Variants in ELP4 observed in about 807,000 individuals in gnomAD.
ELP4 encodes the protein elongator acetyltransferase complex subunit 4.
ELP4 carries 51 observed loss-of-function variants against 48.9 expected under a neutral mutation model. The ratio of observed to expected loss-of-function variants is 1.04; its 90% confidence interval spans 0.83 to 1.32. ELP4 has a LOEUF of 1.32. Among genes scored for constraint, ELP4 ranks in the 40% most tolerant of loss-of-function variants. ELP4 has a pLI of 0.00. For synonymous variants in ELP4, 210 were observed against 189.2 expected (o/e 1.11, Z -0.90); for missense variants, 519 against 514.6 (o/e 1.01, Z -0.08).
At chr11:31,539,927 TA>T in intron 3 of ELP4, 144 bp downstream of exon 3, 1 of 626,162 alleles carries the variant, frequency 1.6e-6, no homozygotes, top group Non-Finnish European at 2.3e-6. Flanking sequence ...AAAATCTCAG[TA>T]AAAAGTATCA....
chr11:31,546,399 T>G (rs1408738732), intron 3 of ELP4, among the ~76,000 whole-genome samples: 1 of 152,174 alleles, frequency 6.6e-6, no homozygotes, highest in Admixed American at 6.5e-5. Context: ...GGCCATTATA[T>G]AATGGTAAAG....
intron 6 of ELP4, 28 bp from the exon 7 acceptor site, chr11:31,632,189 T>C: frequency 6.4e-7 from 1 of 1,574,536 alleles, no homozygotes; most frequent in Non-Finnish European, 8.6e-7. Flanking sequence ...AAACTTTATA[T>C]GTTTGCTTTT....
rs752426798 is a variant in ELP4 at position 31,632,363 on chromosome 11, T to G, written c.885T>G (p.Ser295=). 1.1e-5 allele frequency: 17 copies of G among 1,612,610 alleles called. No homozygotes were observed. In the African/African-American group the frequency reaches 2.3e-4, roughly 22 times the overall value. The change falls in exon 7 of 10, where the codon TCT becomes TCG. Residue 295 remains serine, a synonymous_variant. Coordinates refer to ENST00000640961, the MANE Select transcript of ELP4 (RefSeq NM_019040.5). ...TTCTCCGTGGTCTTCTGAGAACCTCTCTTTCAGCCTGCATCATCACAATGC... is the reference window on the plus strand; with the variant it reads ...TTCTCCGTGGTCTTCTGAGAACCTCGCTTTCAGCCTGCATCATCACAATGC... ...LYVLRGLLRT[S]LSACIITMPT...
chr11:31,563,313 C>G (rs550036590), intron 3 of ELP4, among the ~76,000 whole-genome samples: 1 of 152,208 alleles, frequency 6.6e-6, no homozygotes, highest in East Asian at 1.9e-4. Context: ...GCTTCATTAA[C>G]TGCTGAGGGA....
At chr11:31,759,447 A>T (rs1425634592) in intron 9 of ELP4, among the ~76,000 whole-genome samples, 1 of 152,228 alleles carries the variant, frequency 6.6e-6, no homozygotes, top group African/African-American at 2.4e-5. Flanking sequence ...ATTCATGGAT[A>T]TGCAAACTAT....
At chr11:31,698,653 T>C (rs1423544992) in intron 9 of ELP4, among the ~76,000 whole-genome samples, 1 of 152,146 alleles carries the variant, frequency 6.6e-6, no homozygotes, top group Non-Finnish European at 1.5e-5. Flanking sequence ...CCTCAAGTGA[T>C]CCACCCCTCT....
intron 7 of ELP4, chr11:31,632,921 A>G (rs985617754): frequency 6.6e-6 from 1 of 152,214 alleles, no homozygotes; most frequent in Non-Finnish European, 1.5e-5. Flanking sequence ...AATGTAAAGT[A>G]TATGTTAATA....
intron 7 of ELP4, among the ~76,000 whole-genome samples, chr11:31,642,126 G>C (rs562320292): frequency 1.3e-5 from 2 of 151,838 alleles, no homozygotes; most frequent in Non-Finnish European, 1.5e-5. Flanking sequence ...CCATTATTCT[G>C]TCCAGCCTAT....
intron 4 of ELP4, chr11:31,600,199 T>TA (rs1412368038): frequency 7.3e-6 from 1 of 136,132 alleles, no homozygotes. Context: ...TGTATAGTTT[T>TA]AAAAAAGCCC....
In ELP4 at chr11:31,509,790, G is replaced by T; in HGVS notation, c.6G>T (p.Ala2=). Residue 2 remains alanine (A), a synonymous_variant, in exon 1 of 10, where the codon GCG becomes GCT. Transcript: ENST00000640961. M[A]AVATCGSVAA... ...TTAACACTGGAGGCTCTAAGATGGC[G>T]GCAGTGGCAACCTGCGGTAGTGTTG... is the stretch of plus-strand genomic sequence containing the variant. 6.2e-7 allele frequency: 1 copy of T among 1,613,976 alleles called. No individual in the cohort carries two copies. Among genetic ancestry groups the T allele is most frequent in the Non-Finnish European group, 8.5e-7 (1 of 1,180,006 alleles).
intron 9 of ELP4, among the ~76,000 whole-genome samples, chr11:31,751,937 A>G (rs1947730518): frequency 6.6e-6 from 1 of 152,202 alleles, no homozygotes; most frequent in Non-Finnish European, 1.5e-5. Context: ...TACAAAATCT[A>G]CATAACTTTA....
At chr11:31,632,700 T>C in intron 7 of ELP4, 2 of 238,802 alleles carry the variant, frequency 8.4e-6, no homozygotes, top group Non-Finnish European at 1.6e-5. Context: ...AAGTTTTCAA[T>C]ATTGATGAAG....
intron 9 of ELP4, among the ~76,000 whole-genome samples, chr11:31,676,256 C>T (rs1371836604): frequency 1.3e-5 from 2 of 152,132 alleles, no homozygotes; most frequent in African/African-American, 2.4e-5. Context: ...GCCTCAATGC[C>T]CTCAAATATT....
chr11:31,607,146 C>G (rs1479476141), intron 5 of ELP4, among the ~76,000 whole-genome samples: 1 of 152,182 alleles, frequency 6.6e-6, no homozygotes, highest in Admixed American at 6.5e-5. Flanking sequence ...GAGCCCTCAC[C>G]AGGCACCAAC....
chr11:31,604,294 C>T (rs914963172), intron 5 of ELP4, among the ~76,000 whole-genome samples: 1 of 151,728 alleles, frequency 6.6e-6, no homozygotes, highest in Admixed American at 6.6e-5. Context: ...AAACTAGTGT[C>T]GTTTGCTTAA....
chr11:31,518,980 T>G (rs946376406), intron 1 of ELP4, among the ~76,000 whole-genome samples: 1 of 151,818 alleles, frequency 6.6e-6, no homozygotes, highest in African/African-American at 2.4e-5. Context: ...TGCAGATTAT[T>G]TTTTTTGTAT....
chr11:31,633,620 A>G (rs2134048504), intron 7 of ELP4: 1 of 152,144 alleles, frequency 6.6e-6, no homozygotes, highest in Admixed American at 6.6e-5. Context: ...CATGCTAGAC[A>G]TTGTATACAT....
At position 31,552,816 on chromosome 11, in the gene ELP4, C is replaced by A. The variant is rs139516929; in HGVS notation, c.381+13033C>A. ...ACAGTCCTTATAAGGACTTTAAAGG[C>A]CCTAGCTAATATTCTGTTACCTCCC... On this transcript the variant is annotated intron_variant, in intron 3 of 9. Coordinates refer to ENST00000640961, the MANE Select transcript of ELP4 (RefSeq NM_019040.5). Among the ~76,000 whole-genome samples the A allele has an allele frequency of 4.1e-4, 63 of 152,160 alleles. 1 individual carries two copies. The highest frequency in any genetic ancestry group is 1.5e-3 in the South Asian group (7 of 4,822).
chr11:31,696,474 G>A (rs980032373), intron 9 of ELP4, among the ~76,000 whole-genome samples: 14 of 152,252 alleles, frequency 9.2e-5, no homozygotes, highest in Admixed American at 9.2e-4. Context: ...GTAGTTGAGT[G>A]ATTTTGAGAG....
Sources: allele counts gnomAD v4.1 joint callset (sites outside exome capture counted in the v4.1 genomes callset), GRCh38; gene constraint gnomAD v4.1.1; transcripts MANE v1.5; gene names NCBI Gene and HGNC (gene_info 2026-07-23, HGNC 2026-07-21).